FAM168A: variants seen among roughly 807,000 people sequenced by gnomAD.
The protein encoded by FAM168A is family with sequence similarity 168 member A.
A neutral mutation model predicts 28.5 loss-of-function variants in FAM168A; 3 were observed. That is an observed-to-expected ratio of 0.11 (90% CI 0.05 to 0.27). The LOEUF (loss-of-function observed/expected upper bound fraction) is 0.27, where lower values mean the gene tolerates loss of function less well. FAM168A is among the 10% of genes least tolerant of loss of function. The probability of loss-of-function intolerance (pLI) is 1.00; values close to 1 mark genes in which losing one functional copy is unlikely to be tolerated. For synonymous variants in FAM168A, 122 were observed against 124.2 expected (o/e 0.98, Z 0.12); for missense variants, 222 against 311.5 (o/e 0.71, Z 2.16).
chr11:73,591,255 G>A (rs1437805837), intron 1 of FAM168A, among the ~76,000 whole-genome samples: 2 of 152,096 alleles, frequency 1.3e-5, no homozygotes, highest in Non-Finnish European at 2.9e-5. Flanking sequence ...TTTTAAATAC[G>A]AGCTTTTCTT....
chr11:73,402,884 C>T lies in FAM168A; in HGVS notation c.*3879G>A, dbSNP rs979821557. 1 of 152,212 alleles carries T rather than the reference C, an allele frequency of 6.6e-6. No individual in the cohort carries two copies. Among genetic ancestry groups the T allele is most frequent in the Non-Finnish European group, 1.5e-5 (1 of 68,056 alleles). The allele number at this position is 152,212 out of a possible 1,614,324, so 9.4% of individuals were successfully genotyped here. On this transcript the variant is annotated 3_prime_UTR_variant, in exon 8 of 8. Transcript: ENST00000356467. ...AGGTCCTGGCCCAAAGCAGTTCATA[C>T]AAATCTGCTCAGCTCAGAGACTGGG...
chr11:73,445,743 T>C (rs1185049950), intron 2 of FAM168A, among the ~76,000 whole-genome samples: 2 of 152,108 alleles, frequency 1.3e-5, no homozygotes, highest in Non-Finnish European at 2.9e-5. Flanking sequence ...CTCTAGAAAA[T>C]ACTACCATTT....
chr11:73,524,997 CTT>C (rs1186631527), intron 1 of FAM168A, among the ~76,000 whole-genome samples: 1 of 150,436 alleles, frequency 6.6e-6, no homozygotes, highest in Non-Finnish European at 1.5e-5. Context: ...AAGGTAATAA[CTT>C]TTTTGATCTG....
rs774913792 is a variant in FAM168A, at chr11:73,409,535, C to G, written c.547G>C (p.Gly183Arg). The change falls in exon 6 of 8, where the codon GGT (glycine) becomes CGT (arginine). Residue 183 changes from glycine to arginine, a missense_variant. Transcript: ENST00000356467. ...CCTGCCACCATGCCCATGGCCACAC[C>G]GTTGGTCCTCGGGGCGGCAACAGGT... ...PAPVAAPRTN[G>R]VAMGMVAGTT... The G allele has an allele frequency of 6.2e-7, 1 of 1,613,912 alleles. No individual in the cohort carries two copies. The highest frequency in any genetic ancestry group is 1.3e-5 in the African/African-American group (1 of 74,938).
intron 1 of FAM168A, among the ~76,000 whole-genome samples, chr11:73,500,038 C>T (rs748105864): frequency 6.6e-6 from 1 of 151,994 alleles, no homozygotes. Context: ...TTAAGATATT[C>T]CACAAGAAGA....
intron 2 of FAM168A, among the ~76,000 whole-genome samples, chr11:73,440,842 G>A (rs575183673): frequency 6.6e-6 from 1 of 151,984 alleles, no homozygotes; most frequent in Non-Finnish European, 1.5e-5. Context: ...AGAAATAAAA[G>A]ACATTTGTAA....
chr11:73,415,562 G>A (rs896125692), intron 4 of FAM168A, among the ~76,000 whole-genome samples: 13 of 152,182 alleles, frequency 8.5e-5, no homozygotes, highest in African/African-American at 3.1e-4. Context: ...GACATTCTAG[G>A]TCTCTGAGTA....
At chr11:73,437,332 G>A (rs1461296515) in intron 2 of FAM168A, among the ~76,000 whole-genome samples, 2 of 151,254 alleles carry the variant, frequency 1.3e-5, no homozygotes, top group African/African-American at 2.4e-5. Context: ...TCTTGACCTC[G>A]TGATCCACCC....
At chr11:73,510,405 C>CT (rs763222098) in intron 1 of FAM168A, among the ~76,000 whole-genome samples, 2 of 152,170 alleles carry the variant, frequency 1.3e-5, no homozygotes, top group African/African-American at 2.4e-5. Context: ...AAAAACTGGC[C>CT]TGGAGTCAAG....
At chr11:73,419,017 A>G (rs550492641) in intron 4 of FAM168A, among the ~76,000 whole-genome samples, 196 of 152,112 alleles carry the variant, frequency 1.3e-3, no homozygotes, top group African/African-American at 4.2e-3. Flanking sequence ...TCACCGTGTT[A>G]GCCAGGATGG....
intron 1 of FAM168A, among the ~76,000 whole-genome samples, chr11:73,525,675 G>C (rs183376381): frequency 5.6e-4 from 85 of 152,272 alleles, no homozygotes; most frequent in Non-Finnish European, 9.0e-4. Context: ...CAAAATGACT[G>C]TTGATACTGA....
rs184362057 is a variant in FAM168A, at chr11:73,504,054, G to A, written c.-18-35562C>T. ...AAAACCCAAAATAATAAAAACCCTA[G>A]AAGAAAACCTAGGCAATACCATTCA... On this transcript the variant is annotated intron_variant, in intron 1 of 7. Transcript: ENST00000356467. 1.9e-4 allele frequency among the ~76,000 whole-genome samples: 29 copies of A among 152,224 alleles called. No individual in the cohort carries two copies. In the East Asian group the frequency reaches 2.3e-3, roughly 12 times the overall value.
chr11:73,595,119 C>G (rs1472156776), intron 1 of FAM168A, among the ~76,000 whole-genome samples: 3 of 152,156 alleles, frequency 2.0e-5, no homozygotes, highest in African/African-American at 7.2e-5. Context: ...AAAGCTAGGG[C>G]TTTAATATAA....
chr11:73,531,561 TGAGCAG>T (rs1943513146), intron 1 of FAM168A, among the ~76,000 whole-genome samples: 2 of 152,120 alleles, frequency 1.3e-5, no homozygotes, highest in Admixed American at 6.5e-5. Flanking sequence ...ATACCTATAA[TGAGCAG>T]ACACTGGTAC....
chr11:73,524,266 T>C (rs986228063), intron 1 of FAM168A, among the ~76,000 whole-genome samples: 19 of 152,070 alleles, frequency 1.2e-4, no homozygotes, highest in African/African-American at 3.6e-4. Flanking sequence ...ATTCAGTGTA[T>C]TGAGAATTGA....
intron 1 of FAM168A, among the ~76,000 whole-genome samples, chr11:73,583,817 C>T (rs975276142): frequency 2.6e-5 from 4 of 152,144 alleles, no homozygotes; most frequent in South Asian, 2.1e-4. Context: ...CAATAAATGA[C>T]AATGGTGAAG....
intron 1 of FAM168A, among the ~76,000 whole-genome samples, chr11:73,473,473 T>C (rs1043379083): frequency 6.6e-6 from 1 of 152,184 alleles, no homozygotes; most frequent in African/African-American, 2.4e-5. Flanking sequence ...ACCTGCTGGG[T>C]CACTGCTGGG....
At chr11:73,486,475 G>C (rs1868054928) in intron 1 of FAM168A, among the ~76,000 whole-genome samples, 1 of 152,068 alleles carries the variant, frequency 6.6e-6, no homozygotes, top group Admixed American at 6.6e-5. Flanking sequence ...TTTCTGACTG[G>C]CTTATTTCAT....
At chr11:73,526,868 CAAAAAAAAAAAA>C in intron 1 of FAM168A, among the ~76,000 whole-genome samples, 1 of 51,924 alleles carries the variant, frequency 1.9e-5, no homozygotes, top group Admixed American at 2.5e-4. Context: ...GACTCCATCT[CAAAAAAAAAAAA>C]AAAAAAAAAA....
Sources: gnomAD v4.1 joint callset for allele counts (sites outside exome capture counted in the v4.1 genomes callset) on GRCh38, gnomAD v4.1.1 for gene constraint, MANE v1.5 for transcripts, NCBI Gene and HGNC (gene_info 2026-07-23, HGNC 2026-07-21) for gene names.